The following UQCC1 variants were observed in gnomAD, a reference collection of about 807,000 sequenced individuals.
UQCC1 encodes the protein bFGF-repressed Zic-binding protein.
UQCC1 carries 38 observed loss-of-function variants against 48.0 expected under a neutral mutation model. That is an observed-to-expected ratio of 0.79 (90% CI 0.61 to 1.04). UQCC1 has a LOEUF of 1.04. Ranked by LOEUF, UQCC1 falls within the 50% of genes least tolerant of loss-of-function variation. The pLI is 0.00. For synonymous variants in UQCC1, 111 were observed against 129.2 expected, an observed-to-expected ratio of 0.86 and a Z score of 0.95; for missense variants, 368 against 381.8, an observed-to-expected ratio of 0.96 and a Z score of 0.30.
intron 1 of UQCC1, among the ~76,000 whole-genome samples, chr20:35,398,375 G>A (rs2062111879): frequency 6.6e-6 from 1 of 152,108 alleles, no homozygotes; most frequent in Admixed American, 6.6e-5. Flanking sequence ...ATTAACAAAT[G>A]TACCTTGCAG....
intron 7 of UQCC1, among the ~76,000 whole-genome samples, chr20:35,343,324 T>C (rs1228411308): frequency 6.6e-6 from 1 of 152,084 alleles, no homozygotes; most frequent in South Asian, 2.1e-4. Flanking sequence ...ATACAGAAAC[T>C]GAAGCACAGA....
chr20:35,335,626 C>G (rs2061307298), intron 7 of UQCC1, among the ~76,000 whole-genome samples: 1 of 152,050 alleles, frequency 6.6e-6, no homozygotes, highest in African/African-American at 2.4e-5. Context: ...TAGGTCAATC[C>G]ATAGAAACAG....
intron 1 of UQCC1, among the ~76,000 whole-genome samples, chr20:35,407,809 G>T (rs531184983): frequency 6.6e-6 from 1 of 152,146 alleles, no homozygotes; most frequent in Non-Finnish European, 1.5e-5. Context: ...GATCACCTGA[G>T]GTTGGGAGTT....
intron 8 of UQCC1, among the ~76,000 whole-genome samples, chr20:35,311,736 AC>A (rs1467966535): frequency 6.6e-6 from 1 of 152,224 alleles, no homozygotes; most frequent in African/African-American, 2.4e-5. Flanking sequence ...GGGAACTTTT[AC>A]AACTACAGAT....
At chr20:35,400,508 T>C (rs921313536) in intron 1 of UQCC1, among the ~76,000 whole-genome samples, 1 of 151,570 alleles carries the variant, frequency 6.6e-6, no homozygotes, top group African/African-American at 2.4e-5. Flanking sequence ...TCTTTTTTTT[T>C]TTTTTGAGAC....
intron 5 of UQCC1, among the ~76,000 whole-genome samples, chr20:35,372,433 C>A (rs2061744864): frequency 6.6e-6 from 1 of 152,098 alleles, no homozygotes; most frequent in African/African-American, 2.4e-5. Context: ...GGAAAATATT[C>A]TTTCCAGGTT....
At chr20:35,359,012 A>G (rs1469264380) in intron 6 of UQCC1, among the ~76,000 whole-genome samples, 1 of 152,170 alleles carries the variant, frequency 6.6e-6, no homozygotes, top group Non-Finnish European at 1.5e-5. Flanking sequence ...TAAAGAAAAA[A>G]AGGAGTGTTC....
chr20:35,347,837 A>G (rs1016532118), intron 6 of UQCC1, among the ~76,000 whole-genome samples: 1 of 152,242 alleles, frequency 6.6e-6, no homozygotes, highest in African/African-American at 2.4e-5. Context: ...AATTTTTAAT[A>G]CTGCTTTCAT....
At chr20:35,326,194 T>C (rs2061191732) in intron 7 of UQCC1, among the ~76,000 whole-genome samples, 1 of 152,166 alleles carries the variant, frequency 6.6e-6, no homozygotes, top group Non-Finnish European at 1.5e-5. Context: ...GAAGGCATGC[T>C]TTCAAGAGAA....
chr20:35,377,081 T>C (rs866839519), intron 4 of UQCC1, among the ~76,000 whole-genome samples: 2 of 152,118 alleles, frequency 1.3e-5, no homozygotes, highest in African/African-American at 4.8e-5. Context: ...AGGCCAACCT[T>C]ATCCTGATAT....
chr20:35,366,136 T>C (rs1568684714), intron 6 of UQCC1, among the ~76,000 whole-genome samples: 1 of 152,188 alleles, frequency 6.6e-6, no homozygotes, highest in South Asian at 2.1e-4. Context: ...ATTTTAGAGG[T>C]ACAGGCGTAA....
At chr20:35,401,037 C>T (rs2062157075) in intron 1 of UQCC1, among the ~76,000 whole-genome samples, 1 of 152,114 alleles carries the variant, frequency 6.6e-6, no homozygotes, top group South Asian at 2.1e-4. Flanking sequence ...AGTTATTCAC[C>T]ATAAAATCAC....
At chr20:35,354,777 A>G (rs2061527409) in intron 6 of UQCC1, among the ~76,000 whole-genome samples, 1 of 152,206 alleles carries the variant, frequency 6.6e-6, no homozygotes, top group South Asian at 2.1e-4. Flanking sequence ...AACACTAAAT[A>G]TTGTAACTCT....
At chr20:35,321,460 C>T (rs2061128706) in intron 7 of UQCC1, among the ~76,000 whole-genome samples, 1 of 152,146 alleles carries the variant, frequency 6.6e-6, no homozygotes, top group African/African-American at 2.4e-5. Flanking sequence ...GAAAGGCCAA[C>T]CTAAACCCAG....
intron 1 of UQCC1, among the ~76,000 whole-genome samples, chr20:35,410,598 G>A (rs566938611): frequency 3.1e-4 from 46 of 147,262 alleles, no homozygotes; most frequent in African/African-American, 1.1e-3. Flanking sequence ...CCAGCTACTC[G>A]GGAGGCTGGC....
chr20:35,308,612 GAAC>G (rs1388182352), intron 8 of UQCC1, among the ~76,000 whole-genome samples: 1 of 152,240 alleles, frequency 6.6e-6, no homozygotes, highest in Non-Finnish European at 1.5e-5. Flanking sequence ...CTAATAGTGA[GAAC>G]AACCCAACTG....
chr20:35,396,525 C>T (rs1012491486), intron 1 of UQCC1, among the ~76,000 whole-genome samples: 3 of 151,896 alleles, frequency 2.0e-5, no homozygotes, highest in African/African-American at 7.3e-5. Context: ...TCATAGAATC[C>T]CTTTATAGTA....
chr20:35,338,169 CT>C (rs1008831532), intron 7 of UQCC1, among the ~76,000 whole-genome samples: 24 of 151,922 alleles, frequency 1.6e-4, no homozygotes, highest in East Asian at 1.4e-3. Flanking sequence ...ATTCTCATGT[CT>C]TTTTTTTCCC....
intron 5 of UQCC1, among the ~76,000 whole-genome samples, chr20:35,369,404 G>C (rs917798361): frequency 1.3e-5 from 2 of 152,246 alleles, no homozygotes; most frequent in African/African-American, 4.8e-5. Context: ...AAAACCTGCT[G>C]TAGTATTTTG....
Sources: allele counts gnomAD v4.1 joint callset (sites outside exome capture counted in the v4.1 genomes callset), GRCh38; gene constraint gnomAD v4.1.1; transcripts MANE v1.5; gene names NCBI Gene and HGNC (gene_info 2026-07-23, HGNC 2026-07-21).